SHISA5: variants seen among roughly 807,000 people sequenced by gnomAD.
The protein encoded by SHISA5 is shisa family member 5.
A neutral mutation model predicts 27.5 loss-of-function variants in SHISA5; 21 were observed. That is an observed-to-expected ratio of 0.76 (90% CI 0.54 to 1.10). SHISA5 has a LOEUF of 1.10. SHISA5 is among the 50% of genes least tolerant of loss of function. The pLI is 0.00. For missense variants in SHISA5, 314 were observed against 336.3 expected (o/e 0.93, Z 0.52); for synonymous variants, 137 against 142.2 (o/e 0.96, Z 0.26).
chr3:48,494,111 C>T (rs2041492567), intron 2 of SHISA5, among the ~76,000 whole-genome samples: 1 of 146,882 alleles, frequency 6.8e-6, no homozygotes, highest in Non-Finnish European at 1.5e-5. Flanking sequence ...ACCAACATCT[C>T]CCTAATCCTG....
intron 1 of SHISA5, chr3:48,503,335 T>C: frequency 2.2e-6 from 1 of 456,458 alleles, no homozygotes; most frequent in South Asian, 1.7e-5. Flanking sequence ...GTCTCCCCTT[T>C]CTCATTTCTC....
intron 2 of SHISA5, among the ~76,000 whole-genome samples, chr3:48,498,956 C>G (rs978915923): frequency 6.6e-6 from 1 of 151,528 alleles, no homozygotes; most frequent in Non-Finnish European, 1.5e-5. Flanking sequence ...GTGGCACATG[C>G]CTGTAATCCC....
rs2040730345 is a variant in SHISA5, at chr3:48,473,922, C to T, written c.315-4079G>A. Among the ~76,000 whole-genome samples, 2 of 150,720 alleles carry T rather than the reference C, an allele frequency of 1.3e-5. No homozygotes were observed. The highest frequency in any genetic ancestry group is 6.6e-5 in the Admixed American group (1 of 15,088). ...CCTACCAAAAAATACAAAAATTAGC[C>T]AGGCTTGGTGGCACGCACCTGTAAT... On this transcript the variant is annotated intron_variant, in intron 3 of 5. Coordinates refer to ENST00000296444, the MANE Select transcript of SHISA5 (RefSeq NM_016479.6). The surrounding 1 kb of genome is among the most constrained non-coding windows in gnomAD (Gnocchi z 4.3).
chr3:48,495,179 C>T (rs892133607), intron 2 of SHISA5, among the ~76,000 whole-genome samples: 143,902 of 145,852 alleles, frequency 0.99, 71,075 homozygotes, highest in Middle Eastern at 1. Flanking sequence ...GGAACCCTCA[C>T]ATATGGCTGG....
Position 48,468,797 on chromosome 3 carries a change from CAG to C in SHISA5, c.*308_*309del, listed in dbSNP as rs1347900120. The C allele has an allele frequency of 2.1e-6, 3 of 1,437,214 alleles. No individual in the cohort carries two copies. Among genetic ancestry groups the C allele is most frequent in the Non-Finnish European group, 2.8e-6 (3 of 1,083,626 alleles). 89.0% of individuals were successfully genotyped at this position (1,437,214 alleles called of 1,614,324 possible). A position where few individuals can be genotyped will look rare whatever the true frequency, so the allele number is the denominator to read the frequency against. ...GTGCCCTGGAGAGGCCCCCACCTCT[CAG>C]GGGCCACCTCACAGGGTGCCCCCCA... On this transcript the variant is annotated 3_prime_UTR_variant, in exon 6 of 6. Coordinates refer to ENST00000296444, the MANE Select transcript of SHISA5 (RefSeq NM_016479.6).
chr3:48,473,002 A>C lies in SHISA5; in HGVS notation c.315-3159T>G, dbSNP rs753434510. On this transcript the variant is annotated intron_variant, in intron 3 of 5. Transcript: ENST00000296444. This position sits in a 1 kb window ranked among gnomAD's most constrained non-coding sequence, Gnocchi z 4.3. Reference sequence around the variant, plus strand: ...CAAACACACACGCAGCATGGCGCCCAAGCTCACCCCATGTTAGCCTCTGCC... The same window carrying C: ...CAAACACACACGCAGCATGGCGCCCCAGCTCACCCCATGTTAGCCTCTGCC... The C allele has an allele frequency of 2.6e-6, 4 of 1,535,828 alleles. No homozygotes were observed. Among genetic ancestry groups the C allele is most frequent in the Non-Finnish European group, 2.6e-6 (3 of 1,146,722 alleles).
At chr3:48,475,115 A>T (rs931051586) in intron 3 of SHISA5, among the ~76,000 whole-genome samples, 3 of 152,146 alleles carry the variant, frequency 2.0e-5, no homozygotes, top group South Asian at 4.1e-4. Context: ...ATAAAAAAAA[A>T]ATTTTTGCAT....
At chr3:48,471,118 C>T (rs958750468) in intron 3 of SHISA5, among the ~76,000 whole-genome samples, 1 of 152,020 alleles carries the variant, frequency 6.6e-6, no homozygotes, top group Non-Finnish European at 1.5e-5. Context: ...GCCTCCACCT[C>T]CCAGGCTCAA....
chr3:48,470,313 C>A lies in SHISA5; in HGVS notation c.315-470G>T, dbSNP rs1366006389. 2.6e-5 allele frequency among the ~76,000 whole-genome samples: 4 copies of A among 152,228 alleles called. No homozygotes were observed. Among genetic ancestry groups the A allele is most frequent in the African/African-American group, 9.7e-5 (4 of 41,450 alleles). On this transcript the variant is annotated intron_variant, in intron 3 of 5. Coordinates refer to ENST00000296444, the MANE Select transcript of SHISA5 (RefSeq NM_016479.6). This position sits in a 1 kb window ranked among gnomAD's most constrained non-coding sequence, Gnocchi z 4.3. ...TGGCTCACAAAGCACAGGGTGAAGACTGAGAGAAGCCCCAGGAGGGCAGAG... is the reference window on the plus strand; with the variant it reads ...TGGCTCACAAAGCACAGGGTGAAGAATGAGAGAAGCCCCAGGAGGGCAGAG...
At chr3:48,486,539 AT>A (rs2041252005) in intron 2 of SHISA5, among the ~76,000 whole-genome samples, 2 of 120,314 alleles carry the variant, frequency 1.7e-5, no homozygotes, top group Non-Finnish European at 3.2e-5. Context: ...ATAATTATAA[AT>A]ATATATTATA....
In SHISA5 at chr3:48,468,581, A is replaced by G; in HGVS notation, c.*526T>C. On this transcript the variant is annotated 3_prime_UTR_variant, in exon 6 of 6. Transcript: ENST00000296444. Reference sequence around the variant, plus strand: ...CAAAGTCCAACTTGGCCAGATCCCAAGCTTCGCCTGCATCATGTCCCTGGC... The same window carrying G: ...CAAAGTCCAACTTGGCCAGATCCCAGGCTTCGCCTGCATCATGTCCCTGGC... 8.4e-7 allele frequency: 1 copy of G among 1,190,160 alleles called. No individual in the cohort carries two copies. The highest frequency in any genetic ancestry group is 1.1e-6 in the Non-Finnish European group (1 of 942,848). The allele number at this position is 1,190,160 out of a possible 1,614,324, so 73.7% of individuals were successfully genotyped here.
rs192364594 is a variant in SHISA5 at position 48,474,556 on chromosome 3, C to T, written c.314+4621G>A. ...TTCACCACGTTGGCCAGGCTGGTCT[C>T]GAACTCCCGACCTCAGGTGATCTGC... On this transcript the variant is annotated intron_variant, in intron 3 of 5. Transcript: ENST00000296444. Among the ~76,000 whole-genome samples the T allele has an allele frequency of 2.0e-5, 3 of 152,136 alleles. No individual in the cohort carries two copies. The East Asian group carries it at 5.8e-4, about 29-fold the overall frequency.
chr3:48,481,645 C>T (rs1303238352), intron 2 of SHISA5, among the ~76,000 whole-genome samples: 1 of 148,894 alleles, frequency 6.7e-6, no homozygotes, highest in East Asian at 2.0e-4. Context: ...AAAAATTAGC[C>T]TGGTGTGGTG....
intron 1 of SHISA5, chr3:48,503,328 T>TC (rs2041809381): frequency 2.1e-6 from 1 of 469,520 alleles, no homozygotes; most frequent in African/African-American, 2.0e-5. Context: ...GGCACAAGTC[T>TC]CCCCTTTCTC....
At chr3:48,486,600 A>T (rs1450254319) in intron 2 of SHISA5, among the ~76,000 whole-genome samples, 2 of 132,896 alleles carry the variant, frequency 1.5e-5, no homozygotes, top group Non-Finnish European at 3.1e-5. Context: ...TATATAGATT[A>T]TATATATATT....
chr3:48,469,932 AGGGGT>A lies in SHISA5; in HGVS notation c.315-94_315-90del. The A allele has an allele frequency of 6.6e-7, 1 of 1,515,450 alleles. No individual in the cohort carries two copies. 93.9% of individuals were successfully genotyped at this position (1,515,450 alleles called of 1,614,324 possible). A position where few individuals can be genotyped will look rare whatever the true frequency, so the allele number is the denominator to read the frequency against. On this transcript the variant is annotated intron_variant, in intron 3 of 5. Coordinates refer to ENST00000296444, the MANE Select transcript of SHISA5 (RefSeq NM_016479.6). The surrounding 1 kb of genome is among the most constrained non-coding windows in gnomAD (Gnocchi z 4.6). ...CCCAAGGCATGCCCCTCTTGCCAGA[AGGGGT>A]CTGGGCAATACAGTTATAGCTACTT...
chr3:48,474,498 G>A (rs2040754674), intron 3 of SHISA5, among the ~76,000 whole-genome samples: 2 of 151,712 alleles, frequency 1.3e-5, no homozygotes, highest in South Asian at 4.2e-4. Flanking sequence ...CACCACACCT[G>A]GCTAATTTGT....
chr3:48,486,453 T>A (rs55809386), intron 2 of SHISA5, among the ~76,000 whole-genome samples: 1 of 105,186 alleles, frequency 9.5e-6, no homozygotes, highest in Non-Finnish European at 1.7e-5. Context: ...ATATTATATA[T>A]TATATATTTA....
chr3:48,500,226 C>CAAGA (rs2041714791), intron 2 of SHISA5, among the ~76,000 whole-genome samples: 1 of 152,310 alleles, frequency 6.6e-6, no homozygotes, highest in Admixed American at 6.5e-5. Context: ...ACCGACTTTG[C>CAAGA]AAGAACTCAA....
Sources: allele counts gnomAD v4.1 joint callset (sites outside exome capture counted in the v4.1 genomes callset), GRCh38; gene constraint gnomAD v4.1.1; non-coding constraint Gnocchi (gnomAD v3.1); transcripts MANE v1.5; gene names NCBI Gene and HGNC (gene_info 2026-07-23, HGNC 2026-07-21).